Variants in PACRG observed in about 807,000 individuals in gnomAD.
PACRG encodes parkin coregulated gene protein.
Under a neutral mutation model 29.7 loss-of-function variants are expected in PACRG, and 29 were observed. The observed-to-expected ratio is 0.98, with a 90% CI of 0.73 to 1.33. PACRG has a LOEUF of 1.33. Among genes scored for constraint, PACRG ranks in the 40% most tolerant of loss-of-function variants. The pLI is 0.00. For synonymous variants in PACRG, 116 were observed against 118.7 expected, an observed-to-expected ratio of 0.98 and a Z score of 0.15; for missense variants, 279 against 316.2, an observed-to-expected ratio of 0.88 and a Z score of 0.89.
intron 1 of PACRG, among the ~76,000 whole-genome samples, chr6:162,791,941 G>A (rs1369085851): frequency 6.6e-6 from 1 of 152,104 alleles, no homozygotes; most frequent in African/African-American, 2.4e-5. Context: ...TGTAGATGTG[G>A]TGGTAGCAGC....
At chr6:162,892,148 CCA>C (rs1186327057) in intron 2 of PACRG, 1 of 152,436 alleles carries the variant, frequency 6.6e-6, no homozygotes, top group African/African-American at 2.4e-5. Context: ...TTCAGCCACA[CCA>C]CCAGTCCGCT....
intron 3 of PACRG, among the ~76,000 whole-genome samples, chr6:163,072,100 T>G (rs1812116818): frequency 6.6e-6 from 1 of 151,480 alleles, no homozygotes; most frequent in African/African-American, 2.4e-5. Context: ...GCCAGTATTA[T>G]CCTGATACCA....
intron 1 of PACRG, among the ~76,000 whole-genome samples, chr6:162,735,799 A>G (rs1780122549): frequency 6.6e-6 from 1 of 152,204 alleles, no homozygotes. Context: ...TTTCTTCATA[A>G]TGTTTCCTCA....
chr6:163,208,419 T>A (rs5005309), intron 4 of PACRG, among the ~76,000 whole-genome samples: 60,151 of 149,726 alleles, frequency 0.4, 12,504 homozygotes, highest in African/African-American at 0.54. Context: ...TTACTTTTTT[T>A]AAAAAAAAAA....
intron 2 of PACRG, among the ~76,000 whole-genome samples, chr6:163,034,985 A>G (rs1808025209): frequency 6.6e-6 from 1 of 152,190 alleles, no homozygotes; most frequent in Admixed American, 6.5e-5. Context: ...GGCGTGGATT[A>G]TTCATGCCTC....
At chr6:163,205,644 G>A (rs1562315442) in intron 4 of PACRG, among the ~76,000 whole-genome samples, 1 of 152,132 alleles carries the variant, frequency 6.6e-6, no homozygotes, top group Non-Finnish European at 1.5e-5. Context: ...TCTGGACATA[G>A]GATCTAGCAA....
chr6:163,115,307 G>C (rs1279508968), intron 4 of PACRG, among the ~76,000 whole-genome samples: 3 of 152,118 alleles, frequency 2.0e-5, no homozygotes, highest in Non-Finnish European at 2.9e-5. Flanking sequence ...CATCGGGGAA[G>C]GCTTTCTAGG....
intron 4 of PACRG, among the ~76,000 whole-genome samples, chr6:163,243,557 C>T (rs1264674764): frequency 1.3e-4 from 20 of 152,164 alleles, no homozygotes; most frequent in Non-Finnish European, 5.9e-5. Flanking sequence ...TACCTACACG[C>T]CCACACACAC....
At chr6:163,078,760 G>T (rs1585162364) in intron 3 of PACRG, among the ~76,000 whole-genome samples, 1 of 152,244 alleles carries the variant, frequency 6.6e-6, no homozygotes, top group South Asian at 2.1e-4. Flanking sequence ...CTACCGCAGT[G>T]CCTCCCCTTG....
intron 4 of PACRG, among the ~76,000 whole-genome samples, chr6:163,222,368 T>G (rs1487342177): frequency 6.6e-6 from 1 of 152,022 alleles, no homozygotes; most frequent in Non-Finnish European, 1.5e-5. Flanking sequence ...TCCCCCGAGG[T>G]CAGGCGTTCG....
intron 4 of PACRG, among the ~76,000 whole-genome samples, chr6:163,282,026 G>T (rs1784241441): frequency 6.6e-6 from 1 of 151,930 alleles, no homozygotes; most frequent in South Asian, 2.1e-4. Context: ...GCATTAATTT[G>T]AATATTCAGA....
chr6:162,877,534 T>G (rs1001247134), intron 2 of PACRG, among the ~76,000 whole-genome samples: 1 of 151,530 alleles, frequency 6.6e-6, no homozygotes, highest in East Asian at 1.9e-4. Context: ...TGTATACCTA[T>G]GTAACAAACC....
At chr6:163,108,392 CTTTTTTTTTTTT>C (rs528887997) in intron 4 of PACRG, among the ~76,000 whole-genome samples, 6 of 90,510 alleles carry the variant, frequency 6.6e-5, no homozygotes, top group Admixed American at 4.9e-4. Flanking sequence ...TTCTCTTTCC[CTTTTTTTTTTTT>C]TTTTTTTTTT....
At chr6:163,258,629 C>T (rs1222026213) in intron 4 of PACRG, among the ~76,000 whole-genome samples, 2 of 151,780 alleles carry the variant, frequency 1.3e-5, no homozygotes, top group African/African-American at 4.8e-5. Flanking sequence ...TGGTGGCAGG[C>T]GCTTGTAGTC....
chr6:162,985,776 C>T (rs921832641), intron 2 of PACRG, among the ~76,000 whole-genome samples: 4 of 151,878 alleles, frequency 2.6e-5, no homozygotes, highest in African/African-American at 9.7e-5. Context: ...GTTGCTGTTT[C>T]CTGATAATAT....
chr6:163,300,759 A>G (rs1304748426), intron 4 of PACRG, among the ~76,000 whole-genome samples: 1 of 152,266 alleles, frequency 6.6e-6, no homozygotes, highest in Non-Finnish European at 1.5e-5. Flanking sequence ...TTTGTGGCTT[A>G]AAGCACAAGT....
At chr6:163,100,336 G>C (rs548705) in intron 4 of PACRG, among the ~76,000 whole-genome samples, 1 of 151,976 alleles carries the variant, frequency 6.6e-6, no homozygotes, top group African/African-American at 2.4e-5. Flanking sequence ...TGCACTGATC[G>C]CCCGGCGTGC....
chr6:163,227,141 T>G (rs888473229), intron 4 of PACRG, among the ~76,000 whole-genome samples: 12 of 152,186 alleles, frequency 7.9e-5, no homozygotes, highest in African/African-American at 2.9e-4. Context: ...AGAGATTTAA[T>G]TGACTCCCAG....
At chr6:162,821,175 T>C (rs1787811171) in intron 2 of PACRG, among the ~76,000 whole-genome samples, 1 of 152,240 alleles carries the variant, frequency 6.6e-6, no homozygotes, top group Admixed American at 6.5e-5. Flanking sequence ...ATATAATTTA[T>C]GTGAGAAATT....
Sources: allele counts gnomAD v4.1 joint callset (sites outside exome capture counted in the v4.1 genomes callset), GRCh38; gene constraint gnomAD v4.1.1; transcripts MANE v1.5; gene names NCBI Gene and HGNC (gene_info 2026-07-23, HGNC 2026-07-21).